LRFN5: variants seen among roughly 807,000 people sequenced by gnomAD.
LRFN5 encodes the protein leucine-rich repeat and fibronectin type-III domain-containing protein 5.
A neutral mutation model predicts 45.6 loss-of-function variants in LRFN5; 24 were observed. The observed-to-expected ratio is 0.53, with a 90% CI of 0.38 to 0.74. LRFN5 has a LOEUF of 0.74. Ranked by LOEUF, LRFN5 falls within the 30% of genes least tolerant of loss-of-function variation. The pLI is 0.00. For synonymous variants in LRFN5, 340 were observed against 313.8 expected, an observed-to-expected ratio of 1.08 and a Z score of -0.88; for missense variants, 776 against 861.5, an observed-to-expected ratio of 0.90 and a Z score of 1.24.
At chr14:41,611,298 CG>C (rs1243859583) in intron 1 of LRFN5, among the ~76,000 whole-genome samples, 4 of 152,094 alleles carry the variant, frequency 2.6e-5, no homozygotes, top group African/African-American at 7.2e-5. Flanking sequence ...GTTCCTAAGG[CG>C]GGGGGAAAAT....
At chr14:41,795,851 A>G (rs1797843676) in intron 2 of LRFN5, among the ~76,000 whole-genome samples, 1 of 151,996 alleles carries the variant, frequency 6.6e-6, no homozygotes, top group South Asian at 2.1e-4. Flanking sequence ...GGTGCAGCAC[A>G]CCAACATGGC....
chr14:41,814,252 T>G (rs993920228), intron 2 of LRFN5, among the ~76,000 whole-genome samples: 15 of 152,176 alleles, frequency 9.9e-5, no homozygotes, highest in African/African-American at 3.6e-4. Context: ...ATGTCCTGAA[T>G]GGTATTGGAT....
intron 2 of LRFN5, among the ~76,000 whole-genome samples, chr14:41,801,173 G>A (rs1235560553): frequency 1.3e-5 from 2 of 151,852 alleles, no homozygotes; most frequent in African/African-American, 2.4e-5. Flanking sequence ...CTCGTACTTA[G>A]CACTAAATGA....
intron 2 of LRFN5, among the ~76,000 whole-genome samples, chr14:41,849,090 T>C (rs1195192895): frequency 1.3e-5 from 2 of 152,042 alleles, no homozygotes; most frequent in Non-Finnish European, 2.9e-5. Flanking sequence ...TTTATGCCCC[T>C]AAAGAGTCAG....
chr14:41,775,236 G>A (rs1348102847), intron 2 of LRFN5, among the ~76,000 whole-genome samples: 1 of 151,476 alleles, frequency 6.6e-6, no homozygotes. Flanking sequence ...GACTACAGGC[G>A]CCCACCACCA....
chr14:41,895,155 T>A (rs1221918752), intron 4 of LRFN5, among the ~76,000 whole-genome samples: 1 of 152,158 alleles, frequency 6.6e-6, no homozygotes, highest in African/African-American at 2.4e-5. Context: ...CCCTTTTGAA[T>A]AATTGTCCCC....
At chr14:41,822,086 A>G (rs1566465280) in intron 2 of LRFN5, among the ~76,000 whole-genome samples, 1 of 151,480 alleles carries the variant, frequency 6.6e-6, no homozygotes, top group African/African-American at 2.4e-5. Context: ...ATCCTAGCAA[A>G]TTTGTTTATC....
intron 1 of LRFN5, among the ~76,000 whole-genome samples, chr14:41,643,504 T>C (rs560844283): frequency 2.6e-4 from 40 of 152,188 alleles, no homozygotes; most frequent in Non-Finnish European, 4.7e-4. Context: ...TGTTAGCTTC[T>C]AAGTTATCTT....
At chr14:41,634,446 G>A (rs58306859) in intron 1 of LRFN5, among the ~76,000 whole-genome samples, 3,733 of 152,218 alleles carry the variant, frequency 0.025, 141 homozygotes, top group African/African-American at 0.085. Flanking sequence ...AAGGCAAATA[G>A]CTTCATACAG....
intron 1 of LRFN5, among the ~76,000 whole-genome samples, chr14:41,744,677 G>A (rs1447440886): frequency 6.6e-6 from 1 of 152,032 alleles, no homozygotes; most frequent in African/African-American, 2.4e-5. Flanking sequence ...ACACCAATAG[G>A]TTGAAAATGA....
At chr14:41,877,755 T>G (rs1233751758) in intron 2 of LRFN5, among the ~76,000 whole-genome samples, 1 of 152,106 alleles carries the variant, frequency 6.6e-6, no homozygotes, top group Non-Finnish European at 1.5e-5. Context: ...ATTTTCATAG[T>G]TGGCCATCTA....
intron 1 of LRFN5, among the ~76,000 whole-genome samples, chr14:41,747,837 A>G (rs987547234): frequency 6.6e-6 from 1 of 152,024 alleles, no homozygotes; most frequent in African/African-American, 2.4e-5. Context: ...CAATTCAAAA[A>G]TAGATGAAGG....
chr14:41,878,577 C>A (rs957039201), intron 2 of LRFN5, among the ~76,000 whole-genome samples: 2 of 152,052 alleles, frequency 1.3e-5, no homozygotes, highest in Admixed American at 6.5e-5. Context: ...CTTCTTTGAA[C>A]AGAATTTGCT....
intron 2 of LRFN5, among the ~76,000 whole-genome samples, chr14:41,781,558 G>GAAAGAAAGAAAGAAAGAA (rs1555317470): frequency 1.9e-5 from 2 of 106,934 alleles, no homozygotes; most frequent in Non-Finnish European, 3.6e-5. Flanking sequence ...AGAAAAGAAA[G>GAAAGAAAGAAAGAAAGAA]AGAAAGAAAG....
At chr14:41,872,606 G>A (rs575629779) in intron 2 of LRFN5, among the ~76,000 whole-genome samples, 1 of 152,254 alleles carries the variant, frequency 6.6e-6, no homozygotes, top group East Asian at 1.9e-4. Flanking sequence ...TCCCAGTTTG[G>A]TGCTAGGGTT....
intron 1 of LRFN5, among the ~76,000 whole-genome samples, chr14:41,760,964 AG>A (rs1254149237): frequency 2.6e-5 from 4 of 152,170 alleles, no homozygotes; most frequent in African/African-American, 9.7e-5. Context: ...GGACTAATAA[AG>A]ATTTGCCACC....
At chr14:41,718,939 A>G (rs955950808) in intron 1 of LRFN5, among the ~76,000 whole-genome samples, 1 of 152,212 alleles carries the variant, frequency 6.6e-6, no homozygotes, top group African/African-American at 2.4e-5. Context: ...GAGGAAGCCA[A>G]TGCTAGCTTC....
At chr14:41,794,643 T>C (rs183649618) in intron 2 of LRFN5, among the ~76,000 whole-genome samples, 1 of 152,186 alleles carries the variant, frequency 6.6e-6, no homozygotes, top group Non-Finnish European at 1.5e-5. Flanking sequence ...CTGACATCAA[T>C]AAGTGAAGGT....
chr14:41,855,546 G>A (rs1037151817), intron 2 of LRFN5, among the ~76,000 whole-genome samples: 1 of 152,070 alleles, frequency 6.6e-6, no homozygotes, highest in Admixed American at 6.6e-5. Context: ...AATGTCGTAG[G>A]TACTGGGGTG....
Sources: allele counts gnomAD v4.1 joint callset (sites outside exome capture counted in the v4.1 genomes callset), GRCh38; gene constraint gnomAD v4.1.1; transcripts MANE v1.5; gene names NCBI Gene and HGNC (gene_info 2026-07-23, HGNC 2026-07-21).